Variants in ACVR1B observed in about 807,000 individuals in gnomAD.
ACVR1B encodes the protein activin A receptor type 1B.
A neutral mutation model predicts 55.6 loss-of-function variants in ACVR1B; 15 were observed. The ratio of observed to expected loss-of-function variants is 0.27; its 90% CI spans 0.18 to 0.42. The LOEUF (loss-of-function observed/expected upper bound fraction) is 0.42. ACVR1B is among the 10% of genes least tolerant of loss of function. The pLI is 1.00. For synonymous variants in ACVR1B, 247 were observed against 254.6 expected (o/e 0.97, Z 0.28); for missense variants, 359 against 670.1 (o/e 0.54, Z 5.13).
At chr12:51,985,146 A>G (rs757413914) in intron 5 of ACVR1B, 46 bp from the exon 6 acceptor site, 1 of 1,565,168 alleles carries the variant, frequency 6.4e-7, no homozygotes, top group Non-Finnish European at 8.7e-7. Context: ...TGCTTTTAAC[A>G]TTTATATCAT....
intron 4 of ACVR1B, among the ~76,000 whole-genome samples, chr12:51,983,098 C>A (rs533230739): frequency 1.3e-5 from 2 of 152,334 alleles, no homozygotes; most frequent in Admixed American, 1.3e-4. Context: ...AACAATCAGA[C>A]TCCCTCGTTC....
chr12:51,980,838 C>T, intron 3 of ACVR1B, 131 bp from the exon 4 acceptor site: 1 of 726,326 alleles, frequency 1.4e-6, no homozygotes, highest in Non-Finnish European at 2.2e-6. Flanking sequence ...AGCAGCAGCT[C>T]TCCATGGTTA....
intron 7 of ACVR1B, among the ~76,000 whole-genome samples, chr12:51,988,751 C>T (rs371034546): frequency 6.6e-6 from 1 of 152,244 alleles, no homozygotes; most frequent in South Asian, 2.1e-4. Context: ...AGGGTTCAGA[C>T]TCGGACAGGC....
chr12:51,991,645 G>T (rs532977227), intron 7 of ACVR1B, among the ~76,000 whole-genome samples: 1 of 152,298 alleles, frequency 6.6e-6, no homozygotes, highest in South Asian at 2.1e-4. Context: ...CAGGTGATCC[G>T]CTTGCCTTGG....
intron 1 of ACVR1B, among the ~76,000 whole-genome samples, chr12:51,956,005 A>C (rs1343482700): frequency 6.6e-6 from 1 of 152,230 alleles, no homozygotes; most frequent in Non-Finnish European, 1.5e-5. Flanking sequence ...ATTTCTGTCC[A>C]TGTCTGCTCT....
chr12:51,963,761 A>G (rs575406447), intron 1 of ACVR1B, among the ~76,000 whole-genome samples: 3 of 152,270 alleles, frequency 2.0e-5, no homozygotes, highest in African/African-American at 4.8e-5. Context: ...TTCATGTACA[A>G]GTCTGTGTTT....
intron 5 of ACVR1B, among the ~76,000 whole-genome samples, chr12:51,984,665 C>T (rs1942045043): frequency 1.3e-5 from 2 of 152,204 alleles, no homozygotes; most frequent in South Asian, 4.1e-4. Flanking sequence ...ATTATCATGT[C>T]GGCTCTTTGG....
chr12:51,964,871 C>T (rs1162954610), intron 1 of ACVR1B, among the ~76,000 whole-genome samples: 1 of 151,884 alleles, frequency 6.6e-6, no homozygotes, highest in Non-Finnish European at 1.5e-5. Context: ...TTGTTGTAAG[C>T]TTAAATCAAG....
chr12:51,970,034 T>C (rs921658811), intron 1 of ACVR1B, among the ~76,000 whole-genome samples: 2 of 152,234 alleles, frequency 1.3e-5, no homozygotes, highest in Non-Finnish European at 2.9e-5. Flanking sequence ...TATCCCAGGC[T>C]GTAACACACT....
chr12:51,977,639 AT>A (rs1326551892), intron 3 of ACVR1B, among the ~76,000 whole-genome samples: 1 of 120,728 alleles, frequency 8.3e-6, no homozygotes, highest in Non-Finnish European at 1.6e-5. Flanking sequence ...GTTTTAAGAT[AT>A]GGTCTCGCTC....
chr12:51,962,173 G>A (rs1184365173), intron 1 of ACVR1B, among the ~76,000 whole-genome samples: 1 of 152,200 alleles, frequency 6.6e-6, no homozygotes, highest in Non-Finnish European at 1.5e-5. Context: ...TGTGGAGCTG[G>A]CTTTCCAAAC....
intron 1 of ACVR1B, 117 bp from the exon 2 acceptor site, chr12:51,975,148 T>G: frequency 7.0e-7 from 1 of 1,435,530 alleles, no homozygotes; most frequent in Non-Finnish European, 9.3e-7. Context: ...TGGCCCCATC[T>G]CTATAAAAAC....
chr12:51,989,161 T>C (rs1942138552), intron 7 of ACVR1B, among the ~76,000 whole-genome samples: 1 of 151,890 alleles, frequency 6.6e-6, no homozygotes, highest in African/African-American at 2.4e-5. Context: ...GAGGTTGAGG[T>C]AGGAGAGACT....
At chr12:51,978,379 A>G (rs887413101) in intron 3 of ACVR1B, among the ~76,000 whole-genome samples, 3 of 152,200 alleles carry the variant, frequency 2.0e-5, no homozygotes, top group African/African-American at 7.2e-5. Context: ...GGTTTAGTAT[A>G]TTCTTCATTC....
chr12:51,975,975 C>T (rs769916508), intron 2 of ACVR1B, among the ~76,000 whole-genome samples: 6 of 152,128 alleles, frequency 3.9e-5, no homozygotes, highest in Non-Finnish European at 5.9e-5. Context: ...ACTGTGGAGC[C>T]CACAGGAAAA....
At chr12:51,959,796 CT>C (rs1034006011) in intron 1 of ACVR1B, among the ~76,000 whole-genome samples, 9 of 151,978 alleles carry the variant, frequency 5.9e-5, no homozygotes, top group Non-Finnish European at 8.8e-5. Context: ...CTGACTATAA[CT>C]TTTTTCTAGA....
chr12:51,958,359 T>C (rs566343390), intron 1 of ACVR1B, among the ~76,000 whole-genome samples: 51 of 152,186 alleles, frequency 3.4e-4, no homozygotes, highest in African/African-American at 1.2e-3. Context: ...AGGGGAGATA[T>C]GATTTTGGGA....
At chr12:51,978,631 A>G (rs1941914736) in intron 3 of ACVR1B, among the ~76,000 whole-genome samples, 1 of 152,052 alleles carries the variant, frequency 6.6e-6, no homozygotes, top group Non-Finnish European at 1.5e-5. Context: ...GGAGATCCAG[A>G]CCATCCTGGC....
chr12:51,951,832 A>T lies in ACVR1B; in HGVS notation c.89A>T (p.Gln30Leu). The change falls in exon 1 of 9, where the codon CAG becomes CTG. Residue 30 changes from glutamine (Q) to leucine (L), a missense_variant and splice_region_variant. Around this residue, in one of 5 missense-constraint regions of ACVR1B, gnomAD observed 48 missense variants for 40.6 expected, o/e 1.18. Transcript: ENST00000257963. Reference protein sequence around the residue: ...GSGGSGPRGVQALLCACTSCL... With the variant: ...GSGGSGPRGVLALLCACTSCL... ...GGCGGGTCCGGGCCCCGGGGGGTCC[A>T]GGGTGAGTCCTGGGACGGGGGGCGG... The T allele has an allele frequency of 7.9e-7, 1 of 1,269,884 alleles. No homozygotes were observed. The highest frequency in any genetic ancestry group is 1.0e-6 in the Non-Finnish European group (1 of 999,408). The allele number at this position is 1,269,884 out of a possible 1,614,324, so 78.7% of individuals were successfully genotyped here. A position where few individuals can be genotyped will look rare whatever the true frequency, so the allele number is the denominator to read the frequency against.
Sources: gnomAD v4.1 joint callset for allele counts (sites outside exome capture counted in the v4.1 genomes callset) on GRCh38, gnomAD v4.1.1 for gene constraint, gnomAD v4.1.1 regional missense constraint, MANE v1.5 for transcripts, NCBI Gene and HGNC (gene_info 2026-07-23, HGNC 2026-07-21) for gene names.